LILRA6: variants seen among roughly 807,000 people sequenced by gnomAD.
The protein encoded by LILRA6 is leukocyte immunoglobulin-like receptor subfamily A member 6.
In LILRA6, 16 loss-of-function variants were observed where a neutral mutation model predicts 53.9. The observed-to-expected ratio is 0.30, with a 90% CI of 0.20 to 0.45. LILRA6 has a LOEUF of 0.45. Among genes scored for constraint, LILRA6 ranks in the 20% least tolerant of loss-of-function variants. LILRA6 has a pLI of 1.00. For missense variants in LILRA6, 306 were observed against 618.6 expected (o/e 0.49, Z 5.36); for synonymous variants, 135 against 256.4 (o/e 0.53, Z 4.52).
intron 7 of LILRA6, chr19:54,239,631 C>G (rs2147511669): frequency 7.1e-7 from 1 of 1,406,496 alleles, no homozygotes; most frequent in East Asian, 2.5e-5. Flanking sequence ...TGGCCTGACC[C>G]TGGGGGGTTG....
exon 4 of LILRA6, chr19:54,241,822 C>T (rs1302534736): frequency 3.8e-6 from 5 of 1,328,650 alleles, no homozygotes; most frequent in Admixed American, 1.9e-5. Context: ...GTCATATTCC[C>T]CCCTGAGGCC....
At position 54,242,237 on chromosome 19, in the gene LILRA6, C is replaced by T. The variant is rs1403078399; in HGVS notation, c.144G>A (p.Trp48Ter). Residue 48 changes from tryptophan to a stop codon, truncating the protein, a stop_gained, in exon 3 of 8, where the codon TGG (tryptophan) becomes TGA (stop). Coordinates refer to ENST00000396365, the Ensembl canonical transcript of LILRA6. LOFTEE classifies it high-confidence loss of function. ...CCTGGGCCTCCAGGCTCCCCTGACA[C>T]CAGATGGTCACGGGGCTCCCCCAGC... The T allele has an allele frequency of 1.1e-5, 16 of 1,421,878 alleles. No homozygotes were observed. In the African/African-American group the frequency reaches 1.2e-4, roughly 11 times the overall value. 88.1% of individuals were successfully genotyped at this position (1,421,878 alleles called of 1,614,324 possible).
At position 54,242,609 on chromosome 19, in the gene LILRA6, C is replaced by G. The variant is rs528706524; in HGVS notation, c.35-55G>C. The G allele has an allele frequency of 1.9e-6, 2 of 1,077,428 alleles. 1 individual carries two copies. The highest frequency in any genetic ancestry group is 3.9e-5 in the African/African-American group (2 of 51,006). The allele number at this position is 1,077,428 out of a possible 1,614,324, so 66.7% of individuals were successfully genotyped here. A position where few individuals can be genotyped will look rare whatever the true frequency, so the allele number is the denominator to read the frequency against. ...CCCTGAAGCCTGAGCAGGTCCTCCCCGCCCTGGTGCCTCCTGAGCTTTTGA... is the reference window on the plus strand; with the variant it reads ...CCCTGAAGCCTGAGCAGGTCCTCCCGGCCCTGGTGCCTCCTGAGCTTTTGA... On this transcript the variant is annotated intron_variant, in intron 1 of 7. Coordinates refer to ENST00000396365, the Ensembl canonical transcript of LILRA6.
chr19:54,239,946 A>C lies in LILRA6; in HGVS notation c.1264T>G (p.Ser422Ala), dbSNP rs1351864084. The C allele has an allele frequency of 2.6e-6, 4 of 1,550,398 alleles. No homozygotes were observed. The African/African-American group carries it at 5.5e-5, about 22-fold the overall frequency. ...GTGGGTGGGAGGCTGGAGCCTCCAG[A>C]GTGTCCTGGAAGGAGCACGGGAGGC... Residue 422 changes from serine to alanine, a missense_variant, in exon 7 of 8, where the codon TCT becomes GCT. Coordinates refer to ENST00000396365, the Ensembl canonical transcript of LILRA6.
intron 7 of LILRA6, chr19:54,239,411 A>C (rs2078687602): frequency 3.0e-6 from 2 of 658,182 alleles, no homozygotes; most frequent in Non-Finnish European, 4.9e-6. Flanking sequence ...CAGTCTCCTC[A>C]TGAAACTATT....
chr19:54,238,897 T>A (rs1734929101), exon 8 of LILRA6: 2 of 1,593,834 alleles, frequency 1.3e-6, no homozygotes, highest in Non-Finnish European at 1.7e-6. Context: ...TCTGGGATCA[T>A]CAGATCTGTC....
intron 7 of LILRA6, chr19:54,239,322 C>A: frequency 3.0e-6 from 4 of 1,334,686 alleles, no homozygotes; most frequent in African/African-American, 1.5e-5. Flanking sequence ...GCTCTGCGTT[C>A]TTATTCTTCC....
In LILRA6 at chr19:54,242,372, C is replaced by A; in HGVS notation, c.71-62G>T. On this transcript the variant is annotated intron_variant, in intron 2 of 7. Coordinates refer to ENST00000396365, the Ensembl canonical transcript of LILRA6. ...CCACGCTCAGATCCCAGCTCCCAGCCCCAGGACTTCCTCATCATCCCCATC... is the reference window on the plus strand; with the variant it reads ...CCACGCTCAGATCCCAGCTCCCAGCACCAGGACTTCCTCATCATCCCCATC... 1.9e-6 allele frequency: 2 copies of A among 1,073,988 alleles called. 1 individual carries two copies. Among genetic ancestry groups the A allele is most frequent in the Non-Finnish European group, 2.6e-6 (2 of 782,346 alleles). The allele number at this position is 1,073,988 out of a possible 1,614,324, so 66.5% of individuals were successfully genotyped here.
intron 7 of LILRA6, 150 bp from the exon 8 acceptor site, chr19:54,239,239 A>C: frequency 6.5e-7 from 1 of 1,540,208 alleles, no homozygotes; most frequent in Non-Finnish European, 8.7e-7. Context: ...TTGTTTTGTG[A>C]TGGGGTGAGG....
At chr19:54,242,366 C>T (rs2078789357) in intron 2 of LILRA6, 56 bp from the exon 3 acceptor site, 2 of 1,097,742 alleles carry the variant, frequency 1.8e-6, no homozygotes, top group East Asian at 4.9e-5. Flanking sequence ...GATCCCAGCT[C>T]CCAGCCCCAG....
rs1339584964 is a variant in LILRA6, at chr19:54,241,340, G to C, written c.659-213C>G. 2.7e-6 allele frequency: 3 copies of C among 1,109,524 alleles called. No individual in the cohort carries two copies. In the African/African-American group the frequency reaches 5.5e-5, roughly 21 times the overall value. 68.7% of individuals were successfully genotyped at this position (1,109,524 alleles called of 1,614,324 possible). Reference sequence around the variant, plus strand: ...GCCTGATCTTTCCTCCTCTCCCTGAGAGCTGGGACCTCACAGCAAACACAC... The same window carrying C: ...GCCTGATCTTTCCTCCTCTCCCTGACAGCTGGGACCTCACAGCAAACACAC... On this transcript the variant is annotated intron_variant, in intron 4 of 7. Coordinates refer to ENST00000396365, the Ensembl canonical transcript of LILRA6.
rs1232578662 is a variant in LILRA6 at position 54,241,626 on chromosome 19, G to A, written c.608C>T (p.Thr203Ile). 11 of 1,495,984 alleles carry A rather than the reference G, an allele frequency of 7.4e-6. 1 individual carries two copies. Among genetic ancestry groups the A allele is most frequent in the Admixed American group, 1.8e-5 (1 of 56,682 alleles). 92.7% of individuals were successfully genotyped at this position (1,495,984 alleles called of 1,614,324 possible). ...ACTGGGGTGGGACCACACCCGGGGG[G>A]TGTTCATATAATAGTAATAGCATGT... Residue 203 changes from threonine (T) to isoleucine (I), a missense_variant, in exon 4 of 8, where the codon ACC (threonine) becomes ATC (isoleucine). Thr to Ile is a moderately conservative substitution (Grantham distance 89). Coordinates refer to ENST00000396365, the Ensembl canonical transcript of LILRA6.
Position 54,240,502 on chromosome 19 carries a change from G to C in LILRA6, c.1030C>G (p.Leu344Val), listed in dbSNP as rs1160138635. 4 of 1,603,086 alleles carry C rather than the reference G, an allele frequency of 2.5e-6. No homozygotes were observed. The Admixed American group carries it at 5.0e-5, about 20-fold the overall frequency. The stretch of plus-strand genomic sequence containing the variant: ...TCAAACTGCCACCATGACTGACACA[G>C]CAGGGTCACGTTCTCTCCTGAGGCC... The change falls in exon 6 of 8, where the codon CTG (leucine) becomes GTG (valine). Residue 344 changes from leucine (L) to valine (V), a missense_variant. Transcript: ENST00000396365.
intron 7 of LILRA6, chr19:54,239,486 TG>T: frequency 1.6e-6 from 1 of 639,490 alleles, no homozygotes; most frequent in Non-Finnish European, 2.6e-6. Context: ...TCCCATGGGC[TG>T]GATTCTCCAC....
chr19:54,239,990 G>T (rs1338278556), intron 6 of LILRA6, 39 bp from the exon 7 acceptor site: 1 of 1,531,442 alleles, frequency 6.5e-7, no homozygotes, highest in Non-Finnish European at 8.8e-7. Context: ...GGCGGGGGCC[G>T]TCCATGGAGT....
downstream of LILRA6, chr19:54,238,474 T>C (rs73938609): frequency 0.022 from 3,442 of 156,672 alleles, 300 homozygotes; most frequent in African/African-American, 0.081. Context: ...TTTCATCATG[T>C]GAAATGAATA....
At position 54,240,811 on chromosome 19, in the gene LILRA6, G is replaced by A. The variant is rs1450914024; in HGVS notation, c.955+20C>T. 2.0e-5 allele frequency: 32 copies of A among 1,612,856 alleles called. No individual in the cohort carries two copies. In the South Asian group the frequency reaches 3.4e-4, roughly 17 times the overall value. On this transcript the variant is annotated intron_variant, in intron 5 of 7. Transcript: ENST00000396365. ...CTGTGCAGAGCCTGGGTCCCTGACT[G>A]AACCCGCTGGGCTCCTCACCTGCCA... is the stretch of plus-strand genomic sequence containing the variant.
At chr19:54,238,971 T>C (rs1230896587) in exon 8 of LILRA6, 3 of 1,611,232 alleles carry the variant, frequency 1.9e-6, no homozygotes, top group Non-Finnish European at 8.5e-7. Flanking sequence ...CGGCTGCATC[T>C]TGGGGGTTTC....
intron 7 of LILRA6, 187 bp from the exon 8 acceptor site, chr19:54,239,276 CAG>C: frequency 3.3e-6 from 5 of 1,496,576 alleles, no homozygotes; most frequent in Non-Finnish European, 4.5e-6. Flanking sequence ...AGAATCAAAA[CAG>C]AAGGGGAGAG....
Sources: gnomAD v4.1 joint callset for allele counts on GRCh38, gnomAD v4.1.1 for gene constraint, MANE v1.5 for transcripts, NCBI Gene and HGNC (gene_info 2026-07-23, HGNC 2026-07-21) for gene names.